Variants in PCDHGA2 observed in about 807,000 individuals in gnomAD.
PCDHGA2 encodes the protein protocadherin gamma-A2.
In PCDHGA2, 40 loss-of-function variants were observed where a neutral mutation model predicts 59.2. That is an observed-to-expected ratio of 0.68 (90% CI 0.52 to 0.88). The LOEUF (loss-of-function observed/expected upper bound fraction) is 0.88, where lower values mean the gene tolerates loss of function less well. Among genes scored for constraint, PCDHGA2 ranks in the 40% least tolerant of loss-of-function variants. The pLI, the probability that PCDHGA2 is intolerant of heterozygous loss-of-function variation, is 0.00. For synonymous variants in PCDHGA2, 560 were observed against 526.0 expected, an observed-to-expected ratio of 1.06 and a Z score of -0.89; for missense variants, 1,226 against 1,204.0, an observed-to-expected ratio of 1.02 and a Z score of -0.27.
Position 141,339,448 on chromosome 5 carries a change from T to C in PCDHGA2, c.477T>C (p.Asp159=). 2 of 1,614,206 alleles carry C rather than the reference T, an allele frequency of 1.2e-6. No homozygotes were observed. Among genetic ancestry groups the C allele is most frequent in the Non-Finnish European group, 1.7e-6 (2 of 1,180,032 alleles). The part of the protein sequence containing the change: ...GFRIPLKNAH[D]ADVGENALQK... ...GGATTCCTCTTAAGAATGCGCATGA[T>C]GCAGACGTAGGTGAGAACGCCCTTC... Residue 159 remains aspartate, a synonymous_variant, in exon 1 of 4, where the codon GAT becomes GAC. Coordinates refer to ENST00000394576, the MANE Select transcript of PCDHGA2 (RefSeq NM_018915.4).
chr5:141,462,852 T>C (rs1334709435), intron 1 of PCDHGA2, among the ~76,000 whole-genome samples: 1 of 152,202 alleles, frequency 6.6e-6, no homozygotes. Flanking sequence ...TTTTGAGTGT[T>C]TGGATTTTGT....
In PCDHGA2 at chr5:141,339,229, T is replaced by C. The variant is rs1473121072; in HGVS notation, c.258T>C (p.Thr86=). 6.2e-7 allele frequency: 1 copy of C among 1,614,228 alleles called. No homozygotes were observed. Residue 86 remains threonine, a synonymous_variant, in exon 1 of 4, where the codon ACT becomes ACC. Coordinates refer to ENST00000394576, the MANE Select transcript of PCDHGA2 (RefSeq NM_018915.4). ...ACCCGCGAAGCGGCAGCTTGGTCAC[T>C]GCGAACAGGATAGACCGGGAGGAGC... ...ALNPRSGSLV[T]ANRIDREELC... is the part of the protein sequence containing the mutation.
At chr5:141,395,093 C>CT (rs2093169149) in intron 1 of PCDHGA2, 4 of 1,614,040 alleles carry the variant, frequency 2.5e-6, no homozygotes, top group Non-Finnish European at 3.4e-6. Flanking sequence ...TCTCCCTCAC[C>CT]GCCGACTCGC....
rs1756859904 is a variant in PCDHGA2 at position 141,339,651 on chromosome 5, G to A, written c.680G>A (p.Arg227His). 1.9e-6 allele frequency: 3 copies of A among 1,614,166 alleles called. No homozygotes were observed. The highest frequency in any genetic ancestry group is 2.2e-5 in the South Asian group (2 of 91,084). The change falls in exon 1 of 4, where the codon CGC becomes CAC. Residue 227 changes from arginine to histidine, a missense_variant. Physicochemically the swap from Arg to His is conservative, Grantham distance 29. Transcript: ENST00000394576. ...GGDPVLSGTS[R>H]ICVKVLDAND... ...GACCCAGTGCTATCTGGCACCTCCC[G>A]CATCTGCGTGAAGGTCCTGGATGCG...
In PCDHGA2 at chr5:141,389,981, G is replaced by T. The variant is rs750738084; in HGVS notation, c.2424+48586G>T. On this transcript the variant is annotated intron_variant, in intron 1 of 3. Transcript: ENST00000394576. ...TGGTGGCCTTGGCCTTGATCTCAGT[G>T]CTCTTCCTCGTGGCCATGATTCTGG... The T allele has an allele frequency of 2.5e-6, 4 of 1,614,006 alleles. No homozygotes were observed. The South Asian group carries it at 4.4e-5, about 18-fold the overall frequency.
In PCDHGA2 at chr5:141,370,967, C is replaced by T. The variant is rs776738496; in HGVS notation, c.2424+29572C>T. On this transcript the variant is annotated intron_variant, in intron 1 of 3. Transcript: ENST00000394576. ...AGGAGAACCTGGATGGCAGTAGGTA[C>T]CCAGAGCTAGTACTGAAAGCACCCC... is the stretch of plus-strand genomic sequence containing the variant. 9.3e-6 allele frequency: 15 copies of T among 1,613,878 alleles called. 1 individual carries two copies. The South Asian group carries it at 1.3e-4, about 14-fold the overall frequency.
At chr5:141,385,414 A>G in intron 1 of PCDHGA2, 1 of 1,472,092 alleles carries the variant, frequency 6.8e-7, no homozygotes. Context: ...GAAAATAGGG[A>G]TTTAAAAAAC....
chr5:141,434,027 G>A (rs887125944), intron 1 of PCDHGA2, among the ~76,000 whole-genome samples: 3 of 152,130 alleles, frequency 2.0e-5, no homozygotes, highest in Non-Finnish European at 2.9e-5. Flanking sequence ...GATTCTGGAA[G>A]CATGGTTTTC....
chr5:141,439,618 C>T (rs964445098), intron 1 of PCDHGA2, among the ~76,000 whole-genome samples: 2 of 152,178 alleles, frequency 1.3e-5, no homozygotes, highest in East Asian at 3.8e-4. Context: ...GATAAATGAG[C>T]CAATCCCCAG....
At chr5:141,362,039 G>A (rs1434989183) in intron 1 of PCDHGA2, 1 of 1,610,428 alleles carries the variant, frequency 6.2e-7, no homozygotes, top group Admixed American at 1.7e-5. Flanking sequence ...TTGGGCGACA[G>A]GGACGCGGCC....
In PCDHGA2 at chr5:141,339,077, C is replaced by A. The variant is rs900309615; in HGVS notation, c.106C>A (p.Arg36=). The change falls in exon 1 of 4, where the codon CGG becomes AGG. Residue 36 remains arginine, a synonymous_variant. Transcript: ENST00000394576. ...ARAGQIRYSV[R]EEIDRGSFVG... is the part of the protein sequence containing the mutation. ...GGCCGGGCAGATTCGCTATTCTGTG[C>A]GGGAAGAGATCGACAGAGGCTCCTT... 8.1e-6 allele frequency: 13 copies of A among 1,614,096 alleles called. No individual in the cohort carries two copies. Among genetic ancestry groups the A allele is most frequent in the Middle Eastern group, 1.6e-4 (1 of 6,062 alleles).
At position 141,486,364 on chromosome 5, in the gene PCDHGA2, C is replaced by T; in HGVS notation, c.2425-8443C>T. 1 of 1,614,068 alleles carries T rather than the reference C, an allele frequency of 6.2e-7. No homozygotes were observed. The highest frequency in any genetic ancestry group is 1.1e-5 in the South Asian group (1 of 91,074). On this transcript the variant is annotated intron_variant, in intron 1 of 3. Transcript: ENST00000394576. The surrounding 1 kb of genome is among the most constrained non-coding windows in gnomAD (Gnocchi z 5.0). ...TTCCTGACCACTTGCCATTTGCCCT[C>T]AAGTCTGCCTTCAGGAACCAGTTCT...
chr5:141,376,623 G>A (rs559036357), intron 1 of PCDHGA2: 243 of 1,327,112 alleles, frequency 1.8e-4, no homozygotes, highest in Middle Eastern at 7.8e-4. Context: ...TTTGGTACAG[G>A]AAGATTCGTG....
At chr5:141,356,642 G>A in intron 1 of PCDHGA2, 1 of 1,614,132 alleles carries the variant, frequency 6.2e-7, no homozygotes, top group Non-Finnish European at 8.5e-7. Flanking sequence ...GACCCTGACA[G>A]TGGTGACAAT....
intron 1 of PCDHGA2, among the ~76,000 whole-genome samples, chr5:141,474,187 T>A (rs2099345004): frequency 6.6e-6 from 1 of 152,210 alleles, no homozygotes; most frequent in South Asian, 2.1e-4. Context: ...ACTACTTACA[T>A]TTTTAAAAGC....
chr5:141,393,571 A>G, intron 1 of PCDHGA2: 4 of 1,613,974 alleles, frequency 2.5e-6, no homozygotes, highest in Non-Finnish European at 3.4e-6. Flanking sequence ...AAAGTCCTTG[A>G]GAACATGCCC....
chr5:141,407,732 A>G (rs1294403186), intron 1 of PCDHGA2, among the ~76,000 whole-genome samples: 3 of 152,242 alleles, frequency 2.0e-5, no homozygotes, highest in Non-Finnish European at 4.4e-5. Flanking sequence ...AAGGTTCACT[A>G]TATATACTCC....
chr5:141,491,496 C>T lies in PCDHGA2; in HGVS notation c.2425-3311C>T, dbSNP rs372523924. ...AGTCCAGCCCCAACCTGCAGGTGAG[C>T]TCGGACGGCACGCTCAAGTACATGG... On this transcript the variant is annotated intron_variant, in intron 1 of 3. Transcript: ENST00000394576. This position sits in a 1 kb window ranked among gnomAD's most constrained non-coding sequence, Gnocchi z 6.9. 2.9e-5 allele frequency: 47 copies of T among 1,614,004 alleles called. No individual in the cohort carries two copies. Among genetic ancestry groups the T allele is most frequent in the Non-Finnish European group, 3.7e-5 (44 of 1,180,026 alleles).
intron 1 of PCDHGA2, chr5:141,418,063 G>C (rs2015825): frequency 1.9e-6 from 3 of 1,613,754 alleles, no homozygotes; most frequent in Admixed American, 1.7e-5. Flanking sequence ...AGCTGCGAGT[G>C]AGCGCGGAGA....
Sources: allele counts gnomAD v4.1 joint callset (sites outside exome capture counted in the v4.1 genomes callset), GRCh38; gene constraint gnomAD v4.1.1; non-coding constraint Gnocchi (gnomAD v3.1); transcripts MANE v1.5; gene names NCBI Gene and HGNC (gene_info 2026-07-23, HGNC 2026-07-21).